Variants in VSTM2L observed in about 807,000 individuals in gnomAD.
VSTM2L encodes V-set and transmembrane domain-containing protein 2-like protein.
In VSTM2L, 9 loss-of-function variants were observed where a neutral mutation model predicts 19.9. That is an observed-to-expected ratio of 0.45 (90% CI 0.27 to 0.79). The LOEUF is 0.79. Among genes scored for constraint, VSTM2L ranks in the 30% least tolerant of loss-of-function variants. The pLI is 0.15. For synonymous variants in VSTM2L, 127 were observed against 133.8 expected (o/e 0.95, Z 0.35); for missense variants, 286 against 295.5 (o/e 0.97, Z 0.24).
chr20:37,939,516 G>A (rs903764271), intron 3 of VSTM2L, among the ~76,000 whole-genome samples: 4 of 152,174 alleles, frequency 2.6e-5, no homozygotes, highest in African/African-American at 9.7e-5. Context: ...ATAAACATTA[G>A]CCACTGGCAC....
intron 1 of VSTM2L, among the ~76,000 whole-genome samples, chr20:37,917,683 G>A (rs2072827360): frequency 6.6e-6 from 1 of 152,214 alleles, no homozygotes; most frequent in Non-Finnish European, 1.5e-5. Context: ...CCTCGCCCTA[G>A]TGCCCGACCG....
At chr20:37,942,311 A>G (rs531540068) in intron 3 of VSTM2L, among the ~76,000 whole-genome samples, 1 of 152,262 alleles carries the variant, frequency 6.6e-6, no homozygotes, top group East Asian at 1.9e-4. Context: ...GTGAAACCCC[A>G]TTTCAACTAA....
intron 3 of VSTM2L, among the ~76,000 whole-genome samples, chr20:37,940,499 C>A (rs117955333): frequency 6.6e-6 from 1 of 152,222 alleles, no homozygotes; most frequent in Non-Finnish European, 1.5e-5. Context: ...TTCCCTGTGG[C>A]CCTGCCAGCA....
intron 1 of VSTM2L, among the ~76,000 whole-genome samples, chr20:37,915,068 G>C (rs894253069): frequency 6.6e-6 from 1 of 152,222 alleles, no homozygotes; most frequent in Non-Finnish European, 1.5e-5. Flanking sequence ...TCCGGGAAAG[G>C]GTCCCTAATG....
At chr20:37,904,178 A>C (rs368898036) in intron 1 of VSTM2L, among the ~76,000 whole-genome samples, 12 of 152,244 alleles carry the variant, frequency 7.9e-5, no homozygotes, top group African/African-American at 2.6e-4. Flanking sequence ...GGCGGGTGGC[A>C]CCTGGTGGAA....
chr20:37,920,668 T>A (rs2072845182), intron 1 of VSTM2L, among the ~76,000 whole-genome samples: 1 of 152,180 alleles, frequency 6.6e-6, no homozygotes, highest in Non-Finnish European at 1.5e-5. Flanking sequence ...CAAGCCTCAC[T>A]TAGGACCTCC....
At chr20:37,931,469 C>G (rs2072908391) in intron 1 of VSTM2L, among the ~76,000 whole-genome samples, 166 bp from the exon 2 acceptor site, 1 of 152,160 alleles carries the variant, frequency 6.6e-6, no homozygotes, top group Admixed American at 6.5e-5. Flanking sequence ...TCTTGGGTGC[C>G]CAGCTGAAGC....
intron 1 of VSTM2L, among the ~76,000 whole-genome samples, chr20:37,912,229 G>T (rs1007551603): frequency 4.6e-5 from 7 of 152,230 alleles, no homozygotes; most frequent in African/African-American, 1.4e-4. Flanking sequence ...CTGCGCATCT[G>T]TCTGCTCCTG....
chr20:37,936,587 G>A (rs1172174419), intron 3 of VSTM2L, among the ~76,000 whole-genome samples: 1 of 152,178 alleles, frequency 6.6e-6, no homozygotes, highest in African/African-American at 2.4e-5. Context: ...GGAGGGCTTC[G>A]TGAACCTGCC....
At chr20:37,939,251 C>A (rs559355806) in intron 3 of VSTM2L, among the ~76,000 whole-genome samples, 1 of 151,734 alleles carries the variant, frequency 6.6e-6, no homozygotes, top group Admixed American at 6.6e-5. Flanking sequence ...CAGAAAGATA[C>A]AAAAATTGGC....
At chr20:37,913,377 A>C (rs993747772) in intron 1 of VSTM2L, among the ~76,000 whole-genome samples, 1 of 152,222 alleles carries the variant, frequency 6.6e-6, no homozygotes, top group African/African-American at 2.4e-5. Flanking sequence ...GAGAGCAGTC[A>C]GGGCTGGCCT....
chr20:37,935,216 T>C (rs2072932577), intron 3 of VSTM2L, among the ~76,000 whole-genome samples: 3 of 152,142 alleles, frequency 2.0e-5, no homozygotes, highest in Admixed American at 2.0e-4. Context: ...GAATGTGCAA[T>C]TACCCCCAGC....
chr20:37,943,871 T>A, intron 3 of VSTM2L, 110 bp from the exon 4 acceptor site: 1 of 1,178,840 alleles, frequency 8.5e-7, no homozygotes, highest in Non-Finnish European at 1.1e-6. Context: ...CTTGTGGGAG[T>A]GTTTCTGGGG....
intron 1 of VSTM2L, among the ~76,000 whole-genome samples, chr20:37,926,977 C>CT (rs1343465081): frequency 1.3e-5 from 2 of 152,202 alleles, no homozygotes; most frequent in African/African-American, 2.4e-5. Flanking sequence ...TTAGTAATTT[C>CT]TTTTTTCCAA....
At chr20:37,933,632 G>T (rs1389344433) in intron 3 of VSTM2L, 43 bp downstream of exon 3, 10 of 1,605,948 alleles carry the variant, frequency 6.2e-6, no homozygotes, top group Non-Finnish European at 7.7e-6. Flanking sequence ...CTAATGGAGG[G>T]CACAGCTGTG....
intron 1 of VSTM2L, among the ~76,000 whole-genome samples, chr20:37,909,718 G>A (rs890360345): frequency 5.3e-5 from 8 of 152,206 alleles, no homozygotes; most frequent in African/African-American, 1.9e-4. Flanking sequence ...GCCTTGGGGT[G>A]CATATGTGAT....
intron 3 of VSTM2L, among the ~76,000 whole-genome samples, chr20:37,938,619 G>T (rs576597972): frequency 6.6e-6 from 1 of 152,266 alleles, no homozygotes; most frequent in East Asian, 1.9e-4. Flanking sequence ...GGCAAGCAGG[G>T]AGGAGGCTGA....
chr20:37,916,429 C>G (rs1445173136), intron 1 of VSTM2L, among the ~76,000 whole-genome samples: 2 of 152,238 alleles, frequency 1.3e-5, no homozygotes, highest in Non-Finnish European at 2.9e-5. Context: ...ACTGGGGAAA[C>G]CTGCTCAACT....
chr20:37,943,564 T>C (rs1190313308), intron 3 of VSTM2L, among the ~76,000 whole-genome samples: 1 of 152,076 alleles, frequency 6.6e-6, no homozygotes, highest in Admixed American at 6.5e-5. Flanking sequence ...GGCCCCGTTG[T>C]TCCCTCCTGT....
Sources: allele counts gnomAD v4.1 joint callset (sites outside exome capture counted in the v4.1 genomes callset), GRCh38; gene constraint gnomAD v4.1.1; transcripts MANE v1.5; gene names NCBI Gene and HGNC (gene_info 2026-07-23, HGNC 2026-07-21).